ANKRD12: variants seen among roughly 807,000 people sequenced by gnomAD.
ANKRD12 encodes ankyrin repeat domain-containing protein 12.
In ANKRD12, 85 loss-of-function variants were observed where a neutral mutation model predicts 183.4. That is an observed-to-expected ratio of 0.46 (90% CI 0.39 to 0.56). ANKRD12 has a LOEUF of 0.56. Among genes scored for constraint, ANKRD12 ranks in the 20% least tolerant of loss-of-function variants. The pLI is 0.00. For missense variants in ANKRD12, 2,405 were observed against 2,357.1 expected, an observed-to-expected ratio of 1.02 and a Z score of -0.42; for synonymous variants, 914 against 800.2, an observed-to-expected ratio of 1.14 and a Z score of -2.40.
At chr18:9,262,354 C>T (rs2039019888) in intron 9 of ANKRD12, among the ~76,000 whole-genome samples, 1 of 152,038 alleles carries the variant, frequency 6.6e-6, no homozygotes, top group Admixed American at 6.5e-5. Flanking sequence ...TAATTATAAG[C>T]AAGAATAAGG....
Position 9,182,420 on chromosome 18 carries a change from G to T in ANKRD12, c.-13G>T. On this transcript the variant is annotated 5_prime_UTR_variant, in exon 2 of 13. The change abolishes the stop of an existing upstream ORF in the 5' untranslated region. Transcript: ENST00000262126. ...AGACTGATAAAAGAAGAAGCTAGCT[G>T]AACAGCTGTAAAATGCCCAAATCTG... The T allele has an allele frequency of 6.3e-7, 1 of 1,590,926 alleles. No individual in the cohort carries two copies. Among genetic ancestry groups the T allele is most frequent in the South Asian group, 1.1e-5 (1 of 89,118 alleles).
rs1399017034 is a variant in ANKRD12 at position 9,153,523 on chromosome 18, T to C, written c.-52+16558T>C. ...TGTTTACTTACTCATTTATCAAATA[T>C]TGAATTTGTCAGGAGCCTACTGTGT... is the stretch of plus-strand genomic sequence containing the variant. On this transcript the variant is annotated intron_variant, in intron 1 of 12. Coordinates refer to ENST00000262126, the MANE Select transcript of ANKRD12 (RefSeq NM_015208.5). Among the ~76,000 whole-genome samples the C allele has an allele frequency of 2.6e-5, 4 of 152,244 alleles. No individual in the cohort carries two copies. The East Asian group carries it at 5.8e-4, about 22-fold the overall frequency.
At chr18:9,232,415 C>A (rs2037104696) in intron 8 of ANKRD12, among the ~76,000 whole-genome samples, 1 of 152,136 alleles carries the variant, frequency 6.6e-6, no homozygotes, top group Admixed American at 6.5e-5. Flanking sequence ...GTGACATTTT[C>A]TTTCTTTCAG....
intron 2 of ANKRD12, 54 bp downstream of exon 2, chr18:9,182,573 C>T (rs1205113357): frequency 1.7e-6 from 2 of 1,189,756 alleles, no homozygotes; most frequent in Non-Finnish European, 2.4e-6. Context: ...AAAAGACTCC[C>T]AATTAAGTAT....
chr18:9,144,266 TATTA>T (rs976637435), intron 1 of ANKRD12, among the ~76,000 whole-genome samples: 9 of 152,360 alleles, frequency 5.9e-5, no homozygotes, highest in East Asian at 1.9e-4. Context: ...ATAAAAAGGT[TATTA>T]ATTCTCCAAC....
chr18:9,256,480 G>C lies in ANKRD12; in HGVS notation c.3213G>C (p.Val1071=). ...KDTRPKEKRL[V]NDDLMQTSFE... is the part of the protein sequence containing the mutation. ...CCCGACCTAAAGAAAAGAGGTTAGT[G>C]AATGATGATTTAATGCAGACAAGTT... Residue 1071 remains valine (V), a synonymous_variant, in exon 9 of 13, where the codon GTG becomes GTC. Coordinates refer to ENST00000262126, the MANE Select transcript of ANKRD12 (RefSeq NM_015208.5). The C allele has an allele frequency of 6.2e-7, 1 of 1,613,546 alleles. No homozygotes were observed. The highest frequency in any genetic ancestry group is 1.1e-5 in the South Asian group (1 of 90,938).
chr18:9,194,107 A>G lies in ANKRD12; in HGVS notation c.88-1444A>G, dbSNP rs539439472. 3.3e-5 allele frequency among the ~76,000 whole-genome samples: 5 copies of G among 152,250 alleles called. No homozygotes were observed. The East Asian group carries it at 9.6e-4, about 29-fold the overall frequency. The stretch of plus-strand genomic sequence containing the variant: ...ATTCTTTGGTTCCTGTGATCCTTAC[A>G]TATTTTCTTCTTTATTGGTAAATAA... On this transcript the variant is annotated intron_variant, in intron 2 of 12. Transcript: ENST00000262126.
intron 1 of ANKRD12, among the ~76,000 whole-genome samples, chr18:9,155,752 T>C (rs1205622649): frequency 6.6e-6 from 1 of 152,244 alleles, no homozygotes; most frequent in African/African-American, 2.4e-5. Context: ...TCATGTCTTC[T>C]GATTTTTTTT....
chr18:9,171,950 G>A (rs1486498975), intron 1 of ANKRD12, among the ~76,000 whole-genome samples: 1 of 151,500 alleles, frequency 6.6e-6, no homozygotes, highest in African/African-American at 2.4e-5. Context: ...AACCCGGGAG[G>A]TGGAGGTTGC....
chr18:9,178,340 TC>T lies in ANKRD12; in HGVS notation c.-51-4041del, dbSNP rs776327970. The stretch of plus-strand genomic sequence containing the variant: ...TCAAGATTCTCTCTCTCTCTCTCTC[TC>T]TCGTTTTTTGCATTTGGATATACAG... On this transcript the variant is annotated intron_variant, in intron 1 of 12. Coordinates refer to ENST00000262126, the MANE Select transcript of ANKRD12 (RefSeq NM_015208.5). Among the ~76,000 whole-genome samples, 227 of 108,122 alleles carry T rather than the reference TC, an allele frequency of 2.1e-3. 1 individual carries two copies. Among genetic ancestry groups the T allele is most frequent in the East Asian group, 0.012 (46 of 3,920 alleles). 70.9% of individuals were successfully genotyped at this position (108,122 alleles called of 152,430 possible). A position where few individuals can be genotyped will look rare whatever the true frequency, so the allele number is the denominator to read the frequency against.
chr18:9,191,712 G>T (rs1441886893), intron 2 of ANKRD12, among the ~76,000 whole-genome samples: 1 of 152,048 alleles, frequency 6.6e-6, no homozygotes, highest in African/African-American at 2.4e-5. Flanking sequence ...GTATCTTCCA[G>T]GGCTAGCCAG....
In ANKRD12 at chr18:9,254,700, A is replaced by G. The variant is rs568393874; in HGVS notation, c.1433A>G (p.Asn478Ser). The G allele has an allele frequency of 6.6e-7, 1 of 1,522,558 alleles. No homozygotes were observed. Among genetic ancestry groups the G allele is most frequent in the Non-Finnish European group, 8.8e-7 (1 of 1,138,804 alleles). 94.3% of individuals were successfully genotyped at this position (1,522,558 alleles called of 1,614,324 possible). The change falls in exon 9 of 13, where the codon AAT (asparagine) becomes AGT (serine). Residue 478 changes from asparagine to serine, a missense_variant. Physicochemically the swap from Asn to Ser is conservative, Grantham distance 46 (BLOSUM62 1). This residue lies in a region of ANKRD12 where 1,983 missense variants were observed against 1,725.9 expected (regional missense o/e 1.15). Coordinates refer to ENST00000262126, the MANE Select transcript of ANKRD12 (RefSeq NM_015208.5). ...GGCAAAGTTAAAAGAAAATTGAAAA[A>G]TCAGAATAAAAATAAAGAGAACCAA... is the stretch of plus-strand genomic sequence containing the variant. The part of the protein sequence containing the change: ...QKGKVKRKLK[N>S]QNKNKENQEL...
chr18:9,224,569 T>C (rs1275585760), intron 8 of ANKRD12, among the ~76,000 whole-genome samples: 1 of 152,148 alleles, frequency 6.6e-6, no homozygotes, highest in African/African-American at 2.4e-5. Context: ...ATAATAGTAT[T>C]TGGATGTTGG....
chr18:9,182,185 A>G (rs1323195774), intron 1 of ANKRD12, among the ~76,000 whole-genome samples, 197 bp from the exon 2 acceptor site: 6 of 152,216 alleles, frequency 3.9e-5, no homozygotes, highest in Admixed American at 2.0e-4. Flanking sequence ...ATACAGGAAG[A>G]AATTTATTAA....
chr18:9,201,903 C>T (rs1198109772), intron 3 of ANKRD12, among the ~76,000 whole-genome samples: 1 of 151,724 alleles, frequency 6.6e-6, no homozygotes, highest in African/African-American at 2.4e-5. Context: ...TCTCGGCTCA[C>T]TGCAACCTCT....
intron 8 of ANKRD12, among the ~76,000 whole-genome samples, chr18:9,249,112 C>A (rs1385345728): frequency 2.0e-5 from 3 of 152,110 alleles, no homozygotes; most frequent in Admixed American, 6.5e-5. Context: ...TTACGAAAGT[C>A]CTCTGTGTAG....
chr18:9,146,025 G>A (rs2078481299), intron 1 of ANKRD12, among the ~76,000 whole-genome samples: 1 of 152,290 alleles, frequency 6.6e-6, no homozygotes, highest in South Asian at 2.1e-4. Flanking sequence ...AAAAGGACCT[G>A]TGTGTTTTAG....
chr18:9,226,573 G>A (rs1159768451), intron 8 of ANKRD12, among the ~76,000 whole-genome samples: 1 of 152,068 alleles, frequency 6.6e-6, no homozygotes, highest in East Asian at 1.9e-4. Context: ...AACTTGGGGG[G>A]GTGGATTTTT....
At chr18:9,189,024 T>C (rs1158394794) in intron 2 of ANKRD12, among the ~76,000 whole-genome samples, 2 of 152,198 alleles carry the variant, frequency 1.3e-5, no homozygotes, top group Non-Finnish European at 2.9e-5. Flanking sequence ...TGTCAAAGGC[T>C]GAGAGAGGTC....
Sources: gnomAD v4.1 joint callset for allele counts (sites outside exome capture counted in the v4.1 genomes callset) on GRCh38, gnomAD v4.1.1 for gene constraint, gnomAD v4.1.1 regional missense constraint, MANE v1.5 for transcripts, NCBI Gene and HGNC (gene_info 2026-07-23, HGNC 2026-07-21) for gene names.